The following MYO1B variants were observed in gnomAD, a reference collection of about 807,000 sequenced individuals.
MYO1B encodes the protein myosin IB, also known as unconventional myosin-Ib.
A neutral mutation model predicts 159.7 loss-of-function variants in MYO1B; 72 were observed. That is an observed-to-expected ratio of 0.45 (90% confidence interval 0.37 to 0.55). MYO1B has a LOEUF of 0.55. Among genes scored for constraint, MYO1B ranks in the 20% least tolerant of loss-of-function variants. The pLI is 0.00. For missense variants in MYO1B, 1,062 were observed against 1,364.8 expected (o/e 0.78, Z 3.50); for synonymous variants, 468 against 473.8 (o/e 0.99, Z 0.16).
At chr2:191,306,026 CT>C (rs1413431030) in intron 3 of MYO1B, among the ~76,000 whole-genome samples, 1 of 151,998 alleles carries the variant, frequency 6.6e-6, no homozygotes, top group East Asian at 1.9e-4. Context: ...AAATCTTGGC[CT>C]TTTTGTGCTT....
intron 4 of MYO1B, among the ~76,000 whole-genome samples, chr2:191,335,554 T>C (rs1328383988): frequency 6.6e-6 from 1 of 152,180 alleles, no homozygotes; most frequent in African/African-American, 2.4e-5. Context: ...TGCCAGGCCA[T>C]TTTGAAATGT....
At chr2:191,273,660 T>A (rs1326184874) in intron 1 of MYO1B, among the ~76,000 whole-genome samples, 1 of 152,204 alleles carries the variant, frequency 6.6e-6, no homozygotes, top group Non-Finnish European at 1.5e-5. Context: ...TTGATTGACT[T>A]AGCCTAGATC....
At chr2:191,321,335 A>G (rs1266744814) in intron 3 of MYO1B, among the ~76,000 whole-genome samples, 1 of 152,164 alleles carries the variant, frequency 6.6e-6, no homozygotes, top group East Asian at 1.9e-4. Context: ...TGCCTGTAAC[A>G]AAGTCATAAA....
chr2:191,286,886 G>A (rs10184127), intron 2 of MYO1B, among the ~76,000 whole-genome samples: 5,980 of 152,154 alleles, frequency 0.039, 401 homozygotes, highest in African/African-American at 0.14. Context: ...AGCCAGGATC[G>A]CACCACTGCA....
At chr2:191,248,016 G>C (rs1417310673) in intron 1 of MYO1B, 2 of 985,270 alleles carry the variant, frequency 2.0e-6, no homozygotes, top group East Asian at 2.3e-4. Context: ...GAGGTGAGTG[G>C]GTGGTGTTTG....
At chr2:191,304,792 A>G (rs954107669) in intron 3 of MYO1B, among the ~76,000 whole-genome samples, 5 of 152,224 alleles carry the variant, frequency 3.3e-5, no homozygotes, top group Admixed American at 6.5e-5. Context: ...GGGCAGTTTC[A>G]GAATCCTAAT....
chr2:191,287,924 CAG>C (rs1214352409), intron 2 of MYO1B, among the ~76,000 whole-genome samples: 1 of 149,120 alleles, frequency 6.7e-6, no homozygotes, highest in South Asian at 2.1e-4. Context: ...CGTAACTACT[CAG>C]GGGATGTCTT....
rs1375652368 is a variant in MYO1B at position 191,245,550 on chromosome 2, C to A, written c.-86C>A. On this transcript the variant is annotated 5_prime_UTR_variant, in exon 1 of 31. Transcript: ENST00000392318. ...GGAGCCCCGCAGCCCCGGGCTGGGCCCGCGTCCCGGAGCGCCACCGGAGAG... is the reference window on the plus strand; with the variant it reads ...GGAGCCCCGCAGCCCCGGGCTGGGCACGCGTCCCGGAGCGCCACCGGAGAG... The A allele has an allele frequency of 1.3e-5, 2 of 152,150 alleles. No individual in the cohort carries two copies. Among genetic ancestry groups the A allele is most frequent in the Non-Finnish European group, 2.9e-5 (2 of 68,028 alleles). 9.4% of individuals were successfully genotyped at this position (152,150 alleles called of 1,614,324 possible).
intron 3 of MYO1B, among the ~76,000 whole-genome samples, chr2:191,313,012 G>A (rs1295142927): frequency 1.3e-5 from 2 of 152,108 alleles, no homozygotes; most frequent in East Asian, 3.8e-4. Flanking sequence ...GTCAGAATAA[G>A]GTAGGTTATT....
chr2:191,387,926 G>A (rs1695491780), intron 17 of MYO1B: 2 of 184,258 alleles, frequency 1.1e-5, no homozygotes, highest in South Asian at 1.2e-4. Flanking sequence ...TGTGAGAGGT[G>A]TAGGCCTGGA....
intron 3 of MYO1B, among the ~76,000 whole-genome samples, chr2:191,305,385 G>A (rs745340280): frequency 2.6e-5 from 4 of 152,190 alleles, no homozygotes; most frequent in South Asian, 2.1e-4. Flanking sequence ...GGCCCTAGTC[G>A]TGAGACTGCG....
intron 1 of MYO1B, among the ~76,000 whole-genome samples, chr2:191,249,520 A>G (rs1442347805): frequency 6.6e-6 from 1 of 152,216 alleles, no homozygotes; most frequent in Non-Finnish European, 1.5e-5. Flanking sequence ...AAAAGGGAAT[A>G]GCAGTGGTAT....
At chr2:191,383,246 G>C (rs1172703046) in intron 14 of MYO1B, 34 bp from the exon 15 acceptor site, 1 of 1,387,506 alleles carries the variant, frequency 7.2e-7, no homozygotes, top group Non-Finnish European at 1.0e-6. Flanking sequence ...GCTTCATCTT[G>C]TGTCATTGGA....
chr2:191,317,330 G>T lies in MYO1B; in HGVS notation c.252-12605G>T, dbSNP rs978566408. ...TTTTTGGAGACGAAAGGGCATATCA[G>T]CTGGAGACTGTAAGCAAGGTAGGAG... On this transcript the variant is annotated intron_variant, in intron 3 of 30. Coordinates refer to ENST00000392318, the MANE Select transcript of MYO1B (RefSeq NM_001130158.3). 3.9e-5 allele frequency among the ~76,000 whole-genome samples: 6 copies of T among 152,182 alleles called. No homozygotes were observed. In the East Asian group the frequency reaches 5.8e-4, roughly 15 times the overall value.
At chr2:191,413,897 A>T in intron 27 of MYO1B, 151 bp from the exon 28 acceptor site, 1 of 720,334 alleles carries the variant, frequency 1.4e-6, no homozygotes, top group Non-Finnish European at 2.1e-6. Context: ...ACTTATATTT[A>T]GGACAGATGT....
chr2:191,260,406 T>C (rs980718618), intron 1 of MYO1B, among the ~76,000 whole-genome samples: 11 of 152,064 alleles, frequency 7.2e-5, no homozygotes, highest in Admixed American at 3.3e-4. Flanking sequence ...TTCTGGTGTG[T>C]ATATGTTTAC....
intron 18 of MYO1B, among the ~76,000 whole-genome samples, chr2:191,391,128 C>T (rs569170022): frequency 2.6e-5 from 4 of 152,342 alleles, no homozygotes; most frequent in East Asian, 1.9e-4. Flanking sequence ...TGTGTACTGA[C>T]GGGCGGCTGT....
rs1399623029 is a variant in MYO1B, at chr2:191,292,043, A to G, written c.136-4068A>G. On this transcript the variant is annotated intron_variant, in intron 2 of 30. Transcript: ENST00000392318. ...TTTGGCTAATGCACATAGAACTTTG[A>G]GGAAGAAATCCATAAACAGAAAGGG... 3.9e-5 allele frequency among the ~76,000 whole-genome samples: 6 copies of G among 152,356 alleles called. No homozygotes were observed. The East Asian group carries it at 1.2e-3, about 29-fold the overall frequency.
chr2:191,320,628 C>G (rs1362821876), intron 3 of MYO1B, among the ~76,000 whole-genome samples: 1 of 151,980 alleles, frequency 6.6e-6, no homozygotes, highest in African/African-American at 2.4e-5. Flanking sequence ...TTTGGTTTTC[C>G]TAAACATGAA....
Sources: gnomAD v4.1 joint callset for allele counts (sites outside exome capture counted in the v4.1 genomes callset) on GRCh38, gnomAD v4.1.1 for gene constraint, MANE v1.5 for transcripts, NCBI Gene and HGNC (gene_info 2026-07-23, HGNC 2026-07-21) for gene names.